The following KCNIP4 variants were observed in gnomAD, a reference collection of about 807,000 sequenced individuals.
The protein encoded by KCNIP4 is Kv channel-interacting protein 4.
Under a neutral mutation model 34.0 loss-of-function variants are expected in KCNIP4, and 12 were observed. The ratio of observed to expected loss-of-function variants is 0.35; its 90% CI spans 0.23 to 0.57. KCNIP4 has a LOEUF of 0.57. KCNIP4 is among the 20% of genes least tolerant of loss of function. KCNIP4 has a pLI of 0.83. For synonymous variants in KCNIP4, 124 were observed against 102.2 expected, an observed-to-expected ratio of 1.21 and a Z score of -1.29; for missense variants, 238 against 311.7, an observed-to-expected ratio of 0.76 and a Z score of 1.78.
chr4:21,614,925 G>T (rs897740426), intron 1 of KCNIP4, among the ~76,000 whole-genome samples: 1 of 152,080 alleles, frequency 6.6e-6, no homozygotes, highest in Non-Finnish European at 1.5e-5. Flanking sequence ...ATGTGTCACC[G>T]TCTGAAGCCA....
Position 20,884,894 on chromosome 4 carries a change from C to A in KCNIP4, c.62-2185G>T, listed in dbSNP as rs185564050. On this transcript the variant is annotated intron_variant, in intron 1 of 8. Coordinates refer to ENST00000382152, the MANE Select transcript of KCNIP4 (RefSeq NM_025221.6). ...TTTTGTATTTTTAGTAGAGACAGGG[C>A]TTTGCCATCTTGGCCAGGCTGGTTT... Among the ~76,000 whole-genome samples the A allele has an allele frequency of 3.3e-5, 5 of 151,980 alleles. No individual in the cohort carries two copies. The East Asian group carries it at 9.8e-4, about 30-fold the overall frequency.
intron 1 of KCNIP4, among the ~76,000 whole-genome samples, chr4:21,514,972 A>C (rs139859433): frequency 8.3e-4 from 126 of 152,348 alleles, no homozygotes; most frequent in African/African-American, 3.0e-3. Context: ...TATGAAGTCC[A>C]TTTGATTTAG....
intron 1 of KCNIP4, among the ~76,000 whole-genome samples, chr4:21,055,404 A>C (rs1238769179): frequency 6.6e-6 from 1 of 152,178 alleles, no homozygotes; most frequent in Non-Finnish European, 1.5e-5. Flanking sequence ...ATGATCCAGC[A>C]ATTGTACTCC....
intron 1 of KCNIP4, among the ~76,000 whole-genome samples, chr4:21,910,612 C>G (rs1022265672): frequency 6.6e-6 from 1 of 152,150 alleles, no homozygotes; most frequent in East Asian, 1.9e-4. Context: ...GATGCTTGCT[C>G]TTCAATAAAG....
chr4:21,316,993 A>C (rs1245796537), intron 1 of KCNIP4, among the ~76,000 whole-genome samples: 1 of 152,164 alleles, frequency 6.6e-6, no homozygotes, highest in Non-Finnish European at 1.5e-5. Context: ...TTAGGTACCC[A>C]AAAATGCCCA....
At chr4:21,541,587 C>A (rs372296350) in intron 1 of KCNIP4, among the ~76,000 whole-genome samples, 1 of 152,116 alleles carries the variant, frequency 6.6e-6, no homozygotes, top group South Asian at 2.1e-4. Context: ...AGTATCCTAC[C>A]CAATAAATTC....
intron 1 of KCNIP4, among the ~76,000 whole-genome samples, chr4:21,947,479 T>A (rs530945771): frequency 6.6e-6 from 1 of 152,332 alleles, no homozygotes; most frequent in African/African-American, 2.4e-5. Flanking sequence ...CCGGTTACGA[T>A]GACCTTAACT....
intron 1 of KCNIP4, among the ~76,000 whole-genome samples, chr4:21,939,307 G>A (rs1044672129): frequency 9.9e-5 from 15 of 151,916 alleles, no homozygotes; most frequent in African/African-American, 3.1e-4. Context: ...AGGGTGTAGC[G>A]GAGACTCCTG....
At chr4:21,537,340 C>T (rs900236183) in intron 1 of KCNIP4, among the ~76,000 whole-genome samples, 49 of 152,080 alleles carry the variant, frequency 3.2e-4, no homozygotes, top group African/African-American at 1.1e-3. Context: ...TGGATAGTGG[C>T]GATGGGTGAT....
At chr4:21,681,437 G>C (rs1222866018) in intron 1 of KCNIP4, among the ~76,000 whole-genome samples, 1 of 152,128 alleles carries the variant, frequency 6.6e-6, no homozygotes, top group Non-Finnish European at 1.5e-5. Context: ...TGAAAATTTG[G>C]TTTTCAGAGG....
In KCNIP4 at chr4:20,868,639, C is replaced by T. The variant is rs998817191; in HGVS notation, c.163+13969G>A. Among the ~76,000 whole-genome samples the T allele has an allele frequency of 5.9e-4, 89 of 152,040 alleles. 1 individual carries two copies. The highest frequency in any genetic ancestry group is 1.5e-4 in the Non-Finnish European group (10 of 67,984). Reference sequence around the variant, plus strand: ...TTAAGAAAATGAGGTACACAGACACCATGAAATACTATGCAGCCATTAAAA... The same window carrying T: ...TTAAGAAAATGAGGTACACAGACACTATGAAATACTATGCAGCCATTAAAA... On this transcript the variant is annotated intron_variant, in intron 2 of 8. Coordinates refer to ENST00000382152, the MANE Select transcript of KCNIP4 (RefSeq NM_025221.6).
intron 1 of KCNIP4, among the ~76,000 whole-genome samples, chr4:21,464,165 AATTG>A (rs1291818828): frequency 2.0e-5 from 3 of 151,820 alleles, no homozygotes; most frequent in Admixed American, 6.6e-5. Flanking sequence ...AACCAATTAG[AATTG>A]ATTGATTTTT....
chr4:21,185,713 A>C (rs1294755350), intron 1 of KCNIP4, among the ~76,000 whole-genome samples: 3 of 152,148 alleles, frequency 2.0e-5, no homozygotes, highest in African/African-American at 7.2e-5. Flanking sequence ...ATTTTCAACT[A>C]ATCCTTAGGG....
intron 1 of KCNIP4, among the ~76,000 whole-genome samples, chr4:21,084,113 G>T (rs1207423161): frequency 6.6e-6 from 1 of 151,800 alleles, no homozygotes; most frequent in African/African-American, 2.4e-5. Flanking sequence ...TTTCAGGAAA[G>T]AATAAAAGGT....
chr4:20,752,163 A>G (rs1753773341), intron 4 of KCNIP4, among the ~76,000 whole-genome samples: 1 of 149,064 alleles, frequency 6.7e-6, no homozygotes, highest in Admixed American at 6.8e-5. Context: ...GGTTCAAGCG[A>G]TTCTCCTGCC....
At chr4:21,079,551 A>G (rs1427450084) in intron 1 of KCNIP4, among the ~76,000 whole-genome samples, 1 of 150,272 alleles carries the variant, frequency 6.7e-6, no homozygotes, top group African/African-American at 2.5e-5. Flanking sequence ...CTTTCTTGCC[A>G]CTGAACCTAA....
chr4:21,495,941 T>C (rs1268841841), intron 1 of KCNIP4, among the ~76,000 whole-genome samples: 6 of 152,210 alleles, frequency 3.9e-5, no homozygotes, highest in African/African-American at 1.4e-4. Flanking sequence ...CCTAAGATTC[T>C]CATTCCAGAA....
At chr4:20,740,943 A>T (rs552563261) in intron 5 of KCNIP4, among the ~76,000 whole-genome samples, 4 of 152,146 alleles carry the variant, frequency 2.6e-5, no homozygotes, top group African/African-American at 9.6e-5. Flanking sequence ...TAAAACAGAC[A>T]TTAAACCAAC....
chr4:21,637,783 CAA>C (rs3050028), intron 1 of KCNIP4, among the ~76,000 whole-genome samples: 17,881 of 109,180 alleles, frequency 0.16, 1,213 homozygotes, highest in East Asian at 0.4. Context: ...AAGTCCGTCT[CAA>C]AAAAAAAAAA....
Sources: allele counts gnomAD v4.1 joint callset (sites outside exome capture counted in the v4.1 genomes callset), GRCh38; gene constraint gnomAD v4.1.1; transcripts MANE v1.5; gene names NCBI Gene and HGNC (gene_info 2026-07-23, HGNC 2026-07-21).